The following CATSPERE variants were observed in gnomAD, a reference collection of about 807,000 sequenced individuals.
The protein encoded by CATSPERE is catsper channel auxiliary subunit epsilon.
Under a neutral mutation model 114.1 loss-of-function variants are expected in CATSPERE, and 93 were observed. The observed-to-expected ratio is 0.81, with a 90% CI of 0.69 to 0.97. CATSPERE has a LOEUF of 0.97. Ranked by LOEUF, CATSPERE falls within the 50% of genes least tolerant of loss-of-function variation. The probability of loss-of-function intolerance (pLI) is 0.00; values close to 1 mark genes in which losing one functional copy is unlikely to be tolerated. For missense variants in CATSPERE, 1,058 were observed against 1,131.6 expected, an observed-to-expected ratio of 0.93 and a Z score of 0.93; for synonymous variants, 341 against 384.1, an observed-to-expected ratio of 0.89 and a Z score of 1.31.
intron 8 of CATSPERE, among the ~76,000 whole-genome samples, chr1:244,551,598 A>C (rs1347712101): frequency 6.6e-6 from 1 of 152,184 alleles, no homozygotes; most frequent in Non-Finnish European, 1.5e-5. Flanking sequence ...ATGTATAAGT[A>C]GGCATGGTAC....
chr1:244,625,562 G>A (rs1208664744), intron 20 of CATSPERE, among the ~76,000 whole-genome samples: 1 of 148,434 alleles, frequency 6.7e-6, no homozygotes, highest in East Asian at 2.0e-4. Context: ...CCGAGTAGCT[G>A]GAACTACAGG....
At chr1:244,503,577 A>G (rs903893890) in intron 7 of CATSPERE, among the ~76,000 whole-genome samples, 1 of 152,148 alleles carries the variant, frequency 6.6e-6, no homozygotes, top group South Asian at 2.1e-4. Context: ...CTAGGTTGCT[A>G]AAATAATTTC....
chr1:244,469,209 T>A (rs942643225), intron 2 of CATSPERE, among the ~76,000 whole-genome samples: 2 of 152,168 alleles, frequency 1.3e-5, no homozygotes, highest in African/African-American at 4.8e-5. Flanking sequence ...TCTTTGAAAC[T>A]TTTATTAGTA....
At chr1:244,466,372 C>A (rs1028706357) in intron 2 of CATSPERE, among the ~76,000 whole-genome samples, 2 of 152,046 alleles carry the variant, frequency 1.3e-5, no homozygotes, top group Non-Finnish European at 2.9e-5. Context: ...AGCTTGCTTC[C>A]CTGGTTCCCA....
intron 8 of CATSPERE, among the ~76,000 whole-genome samples, chr1:244,534,224 T>G (rs778202005): frequency 5.3e-5 from 8 of 152,168 alleles, no homozygotes; most frequent in Non-Finnish European, 8.8e-5. Flanking sequence ...AGTTTGATAT[T>G]AAATGTCTTG....
intron 17 of CATSPERE, 152 bp from the exon 18 acceptor site, chr1:244,605,543 A>C (rs1023286486): frequency 2.2e-6 from 1 of 448,700 alleles, no homozygotes; most frequent in African/African-American, 2.0e-5. Context: ...CAAGGCTTCA[A>C]GAGTTTAAGT....
chr1:244,542,842 T>C (rs1443586261), intron 8 of CATSPERE, among the ~76,000 whole-genome samples: 1 of 151,976 alleles, frequency 6.6e-6, no homozygotes, highest in Non-Finnish European at 1.5e-5. Flanking sequence ...CAAACAACAA[T>C]ACAATAGGTA....
intron 20 of CATSPERE, among the ~76,000 whole-genome samples, chr1:244,621,205 ATAT>A (rs1573048243): frequency 2.4e-4 from 1 of 4,206 alleles, no homozygotes; most frequent in Non-Finnish European, 7.7e-4. Flanking sequence ...TTATATAGAT[ATAT>A]TTATATATAT....
intron 14 of CATSPERE, among the ~76,000 whole-genome samples, chr1:244,590,382 G>GT (rs1029742566): frequency 1.3e-5 from 2 of 152,176 alleles, no homozygotes; most frequent in African/African-American, 2.4e-5. Context: ...TTTTCTATGA[G>GT]TTTTTTTGTG....
intron 19 of CATSPERE, among the ~76,000 whole-genome samples, chr1:244,612,080 T>C (rs61201738): frequency 0.18 from 27,560 of 152,088 alleles, 2,614 homozygotes; most frequent in African/African-American, 0.21. Flanking sequence ...AGAAAGACTC[T>C]GGAGTGCCCA....
At chr1:244,460,283 C>G (rs1002778913), upstream of CATSPERE, among the ~76,000 whole-genome samples, 1 of 152,184 alleles carries the variant, frequency 6.6e-6, no homozygotes, top group Non-Finnish European at 1.5e-5. Flanking sequence ...CTGGAGGATA[C>G]AAGATTCTGA....
rs754328638 is a variant in CATSPERE at position 244,639,944 on chromosome 1, G to A, written c.2719G>A (p.Val907Ile). 6.5e-7 allele frequency: 1 copy of A among 1,545,756 alleles called. No homozygotes were observed. Among genetic ancestry groups the A allele is most frequent in the South Asian group, 1.2e-5 (1 of 83,292 alleles). Residue 907 changes from valine to isoleucine, a missense_variant, in exon 22 of 22, where the codon GTA (valine) becomes ATA (isoleucine). Val to Ile is a conservative substitution (Grantham distance 29). Around this residue, in one of 2 missense-constraint regions of CATSPERE, gnomAD observed 787 missense variants for 905.6 expected, o/e 0.87. Transcript: ENST00000366534. ...GLIPSPSVYL[V>I]ASFLFVLMLL... ...TGATTTCAGTCCAAGTGTCTACCTG[G>A]TAGCTTCTTTCCTCTTCGTCCTGAT...
chr1:244,636,094 G>T (rs539711029), intron 21 of CATSPERE, among the ~76,000 whole-genome samples: 1 of 152,290 alleles, frequency 6.6e-6, no homozygotes, highest in South Asian at 2.1e-4. Context: ...TGTGCCCTCT[G>T]CTCTAAGCCT....
At chr1:244,465,808 TATC>T (rs1254899253) in intron 2 of CATSPERE, among the ~76,000 whole-genome samples, 2 of 152,232 alleles carry the variant, frequency 1.3e-5, no homozygotes, top group Non-Finnish European at 1.5e-5. Context: ...CTGACATTGT[TATC>T]ATAGTAACTG....
intron 6 of CATSPERE, among the ~76,000 whole-genome samples, chr1:244,493,348 GA>G (rs1313705880): frequency 6.6e-6 from 1 of 152,188 alleles, no homozygotes; most frequent in Non-Finnish European, 1.5e-5. Flanking sequence ...AAGCAATGGG[GA>G]AAGGATTCCC....
At chr1:244,502,642 G>A (rs1175000981) in intron 7 of CATSPERE, among the ~76,000 whole-genome samples, 6 of 152,018 alleles carry the variant, frequency 3.9e-5, no homozygotes, top group Non-Finnish European at 7.4e-5. Flanking sequence ...TCACTCCTTC[G>A]AAAGTGTCTT....
chr1:244,517,060 A>G (rs1676759444), intron 7 of CATSPERE, among the ~76,000 whole-genome samples: 1 of 152,088 alleles, frequency 6.6e-6, no homozygotes, highest in Non-Finnish European at 1.5e-5. Flanking sequence ...TGATGTTTAT[A>G]GACTGAACAT....
At chr1:244,546,709 A>G (rs1330228228) in intron 8 of CATSPERE, among the ~76,000 whole-genome samples, 1 of 152,236 alleles carries the variant, frequency 6.6e-6, no homozygotes, top group Non-Finnish European at 1.5e-5. Flanking sequence ...AATGCAATAG[A>G]GAGCATCAAC....
chr1:244,583,898 C>T lies in CATSPERE; in HGVS notation c.2044C>T (p.Arg682Ter), dbSNP rs1442164237. 6.2e-6 allele frequency: 10 copies of T among 1,613,950 alleles called. No individual in the cohort carries two copies. The highest frequency in any genetic ancestry group is 2.7e-5 in the African/African-American group (2 of 74,900). The change falls in exon 13 of 22, where the codon CGA becomes TGA. Residue 682 changes from arginine (R) to a stop codon, truncating the protein, a stop_gained. Transcript: ENST00000366534. LOFTEE classifies it high-confidence loss of function. ...KHTGLVLVQF[R>*]PSEYSKACPI... Reference sequence around the variant, plus strand: ...CACGGGTCTTGTGCTGGTTCAGTTTCGACCTAGTGAATATTCAAAAGCATG... The same window carrying T: ...CACGGGTCTTGTGCTGGTTCAGTTTTGACCTAGTGAATATTCAAAAGCATG...
Sources: gnomAD v4.1 joint callset for allele counts (sites outside exome capture counted in the v4.1 genomes callset) on GRCh38, gnomAD v4.1.1 for gene constraint, gnomAD v4.1.1 regional missense constraint, MANE v1.5 for transcripts, NCBI Gene and HGNC (gene_info 2026-07-23, HGNC 2026-07-21) for gene names.